The following TSPAN8 variants were observed in gnomAD, a reference collection of about 807,000 sequenced individuals.
TSPAN8 encodes tetraspanin-8.
A neutral mutation model predicts 32.8 loss-of-function variants in TSPAN8; 21 were observed. The ratio of observed to expected loss-of-function variants is 0.64; its 90% CI spans 0.45 to 0.92. TSPAN8 has a LOEUF of 0.92. Among genes scored for constraint, TSPAN8 ranks in the 40% least tolerant of loss-of-function variants. TSPAN8 has a pLI of 0.00. For missense variants in TSPAN8, 269 were observed against 281.9 expected (o/e 0.95, Z 0.33); for synonymous variants, 95 against 94.6 (o/e 1.00, Z -0.03).
chr12:71,157,780 A>T lies in TSPAN8; in HGVS notation c.-102T>A. On this transcript the variant is annotated 5_prime_UTR_variant, in exon 2 of 9. Coordinates refer to ENST00000247829, the MANE Select transcript of TSPAN8 (RefSeq NM_004616.3). ...GCAACTTGCCTGCAGAGATTTCTGT[A>T]TCCACGGCTTCAGAGCAGAAAGAGA... 1 of 840,624 alleles carries T rather than the reference A, an allele frequency of 1.2e-6. No homozygotes were observed. Among genetic ancestry groups the T allele is most frequent in the Non-Finnish European group, 2.0e-6 (1 of 495,858 alleles). The allele number at this position is 840,624 out of a possible 1,614,324, so 52.1% of individuals were successfully genotyped here.
At chr12:71,125,416 G>C in intron 8 of TSPAN8, 29 bp from the exon 9 acceptor site, 2 of 1,567,084 alleles carry the variant, frequency 1.3e-6, no homozygotes, top group Non-Finnish European at 1.7e-6. Flanking sequence ...GGATTAACAT[G>C]GAATTTAAGG....
intron 7 of TSPAN8, among the ~76,000 whole-genome samples, chr12:71,130,309 A>C (rs1783030965): frequency 6.6e-6 from 1 of 152,214 alleles, no homozygotes; most frequent in Admixed American, 6.5e-5. Flanking sequence ...TTTTATCTTA[A>C]AAAGAAAAAA....
intron 2 of TSPAN8, among the ~76,000 whole-genome samples, chr12:71,149,302 A>G (rs903198698): frequency 6.7e-6 from 1 of 149,894 alleles, no homozygotes; most frequent in Non-Finnish European, 1.5e-5. Context: ...CGGCAGGTGG[A>G]GGTTGCAGTG....
chr12:71,130,780 CA>C (rs1482308506), intron 7 of TSPAN8, among the ~76,000 whole-genome samples: 1 of 152,078 alleles, frequency 6.6e-6, no homozygotes, highest in East Asian at 1.9e-4. Flanking sequence ...CATTATGTTT[CA>C]GGGGTTTTTC....
Position 71,157,682 on chromosome 12 carries a change from G to C in TSPAN8, c.-4C>G. On this transcript the variant is annotated 5_prime_UTR_variant, in exon 2 of 9. Coordinates refer to ENST00000247829, the MANE Select transcript of TSPAN8 (RefSeq NM_004616.3). Reference sequence around the variant, plus strand: ...TACAGGCACTCACACCTGCCATTTCGGAAAAGGATTAGGAATCCAGATGCC... The same window carrying C: ...TACAGGCACTCACACCTGCCATTTCCGAAAAGGATTAGGAATCCAGATGCC... 2 of 1,612,530 alleles carry C rather than the reference G, an allele frequency of 1.2e-6. No individual in the cohort carries two copies. Among genetic ancestry groups the C allele is most frequent in the Non-Finnish European group, 1.7e-6 (2 of 1,178,696 alleles).
intron 3 of TSPAN8, among the ~76,000 whole-genome samples, chr12:71,140,233 T>C (rs1053890375): frequency 2.0e-5 from 3 of 152,208 alleles, no homozygotes; most frequent in African/African-American, 7.2e-5. Context: ...AAGTTCAAGC[T>C]CTTTAAACTA....
rs1016586780 is a variant in TSPAN8, at chr12:71,128,279, A to T, written c.660+1052T>A. On this transcript the variant is annotated intron_variant, in intron 8 of 8. Coordinates refer to ENST00000247829, the MANE Select transcript of TSPAN8 (RefSeq NM_004616.3). The stretch of plus-strand genomic sequence containing the variant: ...TAATAGCTGCCTGGGAAATTCCACC[A>T]GCAAACTAAATAACCACTTAGGACA... Among the ~76,000 whole-genome samples, 5 of 152,336 alleles carry T rather than the reference A, an allele frequency of 3.3e-5. No individual in the cohort carries two copies. In the East Asian group the frequency reaches 7.7e-4, roughly 23 times the overall value.
intron 2 of TSPAN8, among the ~76,000 whole-genome samples, chr12:71,150,634 C>T (rs1281182629): frequency 6.6e-6 from 1 of 152,108 alleles, no homozygotes; most frequent in East Asian, 1.9e-4. Context: ...GGGGCACGTT[C>T]CCCCAATACT....
At chr12:71,157,530 C>T in intron 2 of TSPAN8, 89 bp downstream of exon 2, 2 of 871,816 alleles carry the variant, frequency 2.3e-6, no homozygotes, top group South Asian at 3.1e-5. Context: ...TCTCTTATTT[C>T]TCTAGTGTAC....
chr12:71,154,344 T>C (rs2137062836), intron 2 of TSPAN8, among the ~76,000 whole-genome samples: 1 of 148,224 alleles, frequency 6.7e-6, no homozygotes, highest in African/African-American at 2.5e-5. Context: ...ATAATAATAA[T>C]AATAATAATA....
chr12:71,129,164 G>A (rs1871436128), intron 8 of TSPAN8, among the ~76,000 whole-genome samples, 167 bp downstream of exon 8: 2 of 151,726 alleles, frequency 1.3e-5, no homozygotes, highest in South Asian at 2.1e-4. Context: ...CAGGCTGATC[G>A]AGGGAGATGA....
chr12:71,154,816 G>A (rs939391037), intron 2 of TSPAN8, among the ~76,000 whole-genome samples: 4 of 152,172 alleles, frequency 2.6e-5, no homozygotes, highest in African/African-American at 9.7e-5. Flanking sequence ...CTGATTCGAG[G>A]TCTGGACAGG....
chr12:71,154,111 C>T lies in TSPAN8; in HGVS notation c.60+3508G>A, dbSNP rs534805773. On this transcript the variant is annotated intron_variant, in intron 2 of 8. Coordinates refer to ENST00000247829, the MANE Select transcript of TSPAN8 (RefSeq NM_004616.3). ...ATCACCTGAGGTCAGGAGTTTGAGA[C>T]CAGCCTGGCCAACATGGCAAAACCC... Among the ~76,000 whole-genome samples, 3 of 152,120 alleles carry T rather than the reference C, an allele frequency of 2.0e-5. No homozygotes were observed. The South Asian group carries it at 6.2e-4, about 32-fold the overall frequency.
intron 4 of TSPAN8, among the ~76,000 whole-genome samples, chr12:71,138,793 T>A (rs945868075): frequency 2.6e-5 from 4 of 152,142 alleles, no homozygotes; most frequent in African/African-American, 9.7e-5. Flanking sequence ...AAGCAATCAG[T>A]AGGAATGTTA....
chr12:71,134,817 G>A (rs1701477423), intron 6 of TSPAN8, among the ~76,000 whole-genome samples: 1 of 152,204 alleles, frequency 6.6e-6, no homozygotes, highest in Non-Finnish European at 1.5e-5. Context: ...ATAGATGAGA[G>A]GGTAGAAGTT....
At chr12:71,130,201 G>A (rs965913218) in intron 7 of TSPAN8, among the ~76,000 whole-genome samples, 2 of 152,034 alleles carry the variant, frequency 1.3e-5, no homozygotes, top group African/African-American at 2.4e-5. Flanking sequence ...CAATCCACCG[G>A]CCTCAGCCTC....
chr12:71,132,284 T>C (rs3851615), intron 7 of TSPAN8, among the ~76,000 whole-genome samples: 59,366 of 151,970 alleles, frequency 0.39, 12,649 homozygotes, highest in East Asian at 0.57. Context: ...ACCTCATTTC[T>C]TGAGAAAAGG....
chr12:71,138,253 T>G (rs752447341), intron 4 of TSPAN8, 23 bp from the exon 5 acceptor site: 1 of 1,608,744 alleles, frequency 6.2e-7, no homozygotes, highest in Admixed American at 1.7e-5. Flanking sequence ...AAAAGAAATA[T>G]ACATTATCCT....
At chr12:71,145,046 T>C (rs1592407592) in intron 2 of TSPAN8, among the ~76,000 whole-genome samples, 1 of 152,146 alleles carries the variant, frequency 6.6e-6, no homozygotes, top group East Asian at 1.9e-4. Context: ...TCTGGTAACA[T>C]ACCAGACACA....
Sources: allele counts gnomAD v4.1 joint callset (sites outside exome capture counted in the v4.1 genomes callset), GRCh38; gene constraint gnomAD v4.1.1; transcripts MANE v1.5; gene names NCBI Gene and HGNC (gene_info 2026-07-23, HGNC 2026-07-21).